The following RORA variants were observed in gnomAD, a reference collection of about 807,000 sequenced individuals.
RORA encodes the protein nuclear receptor ROR-alpha.
In RORA, 7 loss-of-function variants were observed where a neutral mutation model predicts 69.5. The ratio of observed to expected loss-of-function variants is 0.10; its 90% CI spans 0.06 to 0.19. RORA has a LOEUF of 0.19. RORA is among the 10% of genes least tolerant of loss of function. The pLI is 1.00. For synonymous variants in RORA, 261 were observed against 240.8 expected (o/e 1.08, Z -0.78); for missense variants, 457 against 663.0 (o/e 0.69, Z 3.41).
chr15:61,144,352 G>A (rs1435425185), intron 1 of RORA, among the ~76,000 whole-genome samples: 1 of 152,222 alleles, frequency 6.6e-6, no homozygotes. Flanking sequence ...TTAGTTTTTG[G>A]ATGTAGGGTA....
chr15:60,555,127 G>C lies in RORA; in HGVS notation c.197-23276C>G, dbSNP rs1249403731. On this transcript the variant is annotated intron_variant, in intron 2 of 10. Transcript: ENST00000335670. ...AAAAATGATGCCACTGCAGTTCTTA[G>C]CTTCTCTCTGTACCAAAATGGCCTT... Among the ~76,000 whole-genome samples the C allele has an allele frequency of 3.9e-5, 6 of 152,094 alleles. No homozygotes were observed. The East Asian group carries it at 1.2e-3, about 29-fold the overall frequency.
chr15:60,544,869 T>C (rs2067019044), intron 2 of RORA: 1 of 152,222 alleles, frequency 6.6e-6, no homozygotes, highest in Non-Finnish European at 1.5e-5. Flanking sequence ...CACCTGCAAC[T>C]GTCTAAGGTA....
Position 60,638,391 on chromosome 15 carries a change from T to C in RORA, c.196+40266A>G, listed in dbSNP as rs185018161. Reference sequence around the variant, plus strand: ...ATTTAACTGTATTTTCTTTTCTTTTTTTTTTTTTTTTGTCAAATGGTATAA... The same window carrying C: ...ATTTAACTGTATTTTCTTTTCTTTTCTTTTTTTTTTTGTCAAATGGTATAA... On this transcript the variant is annotated intron_variant, in intron 2 of 10. Coordinates refer to ENST00000335670, the MANE Select transcript of RORA (RefSeq NM_134261.3). 6.1e-3 allele frequency among the ~76,000 whole-genome samples: 923 copies of C among 150,682 alleles called. 10 individuals are homozygous for C. The highest frequency in any genetic ancestry group is 8.7e-3 in the Non-Finnish European group (590 of 67,714).
At chr15:60,639,156 C>T (rs113431499) in intron 2 of RORA, among the ~76,000 whole-genome samples, 1 of 151,900 alleles carries the variant, frequency 6.6e-6, no homozygotes, top group Admixed American at 6.6e-5. Flanking sequence ...TCACCACCCC[C>T]CTCCTCCCCG....
chr15:60,756,538 C>A (rs1417697091), intron 1 of RORA, among the ~76,000 whole-genome samples: 1 of 152,130 alleles, frequency 6.6e-6, no homozygotes, highest in Non-Finnish European at 1.5e-5. Context: ...ATTAAGATCT[C>A]TCCGTTAAGT....
intron 1 of RORA, among the ~76,000 whole-genome samples, chr15:61,172,751 C>T (rs1215301935): frequency 2.6e-5 from 4 of 152,126 alleles, no homozygotes; most frequent in Admixed American, 1.3e-4. Context: ...TACTATTTTC[C>T]GTTAGAATCA....
At chr15:60,881,109 T>C (rs1379004868) in intron 1 of RORA, among the ~76,000 whole-genome samples, 2 of 152,366 alleles carry the variant, frequency 1.3e-5, no homozygotes, top group South Asian at 2.1e-4. Context: ...CACTGAGTCT[T>C]ATGACTCCAA....
chr15:61,013,868 C>A (rs890614346), intron 1 of RORA, among the ~76,000 whole-genome samples: 1 of 138,666 alleles, frequency 7.2e-6, no homozygotes, highest in Non-Finnish European at 1.5e-5. Context: ...ACTGCAAGCT[C>A]TGCCTCCCGG....
At chr15:60,898,610 G>C (rs1263290910) in intron 1 of RORA, among the ~76,000 whole-genome samples, 1 of 151,996 alleles carries the variant, frequency 6.6e-6, no homozygotes, top group African/African-American at 2.4e-5. Context: ...GAGGCGGGAA[G>C]ATCACTTGAG....
At chr15:60,959,343 C>T (rs1298078317) in intron 1 of RORA, among the ~76,000 whole-genome samples, 4 of 152,136 alleles carry the variant, frequency 2.6e-5, no homozygotes, top group Non-Finnish European at 5.9e-5. Context: ...GCATCTTAGC[C>T]TGACTAGTCT....
At chr15:60,918,063 C>T (rs1891933253) in intron 1 of RORA, among the ~76,000 whole-genome samples, 1 of 152,220 alleles carries the variant, frequency 6.6e-6, no homozygotes, top group African/African-American at 2.4e-5. Context: ...CTTTCGACAA[C>T]CCCAGGAGGT....
At chr15:60,618,842 T>C (rs868794755) in intron 2 of RORA, among the ~76,000 whole-genome samples, 3 of 152,216 alleles carry the variant, frequency 2.0e-5, no homozygotes, top group South Asian at 4.1e-4. Flanking sequence ...ATCTTGCTAA[T>C]CTGCTGGGTT....
chr15:61,154,346 CTGGTAGACCAAGCAGT>C (rs1246973122), intron 1 of RORA, among the ~76,000 whole-genome samples: 12 of 152,174 alleles, frequency 7.9e-5, no homozygotes, highest in African/African-American at 2.9e-4. Flanking sequence ...CAGCGAACTG[CTGGTAGACCAAGCAGT>C]TCACACTAAC....
chr15:60,814,983 T>C (rs963883691), intron 1 of RORA, among the ~76,000 whole-genome samples: 5 of 152,166 alleles, frequency 3.3e-5, no homozygotes, highest in Admixed American at 2.0e-4. Context: ...TCTGAATCCA[T>C]GTTCAAAAGT....
intron 1 of RORA, among the ~76,000 whole-genome samples, chr15:60,876,838 T>C (rs543580765): frequency 5.3e-5 from 8 of 152,344 alleles, no homozygotes; most frequent in African/African-American, 1.4e-4. Flanking sequence ...CAATTCAAGA[T>C]GCTAAGTGCT....
chr15:60,592,926 T>C (rs753695033), intron 2 of RORA: 7 of 455,792 alleles, frequency 1.5e-5, no homozygotes, highest in African/African-American at 8.0e-5. Flanking sequence ...CCCGCTGGCT[T>C]GCCGGAGCAC....
chr15:61,199,475 C>G (rs932467959), intron 1 of RORA, among the ~76,000 whole-genome samples: 1 of 152,134 alleles, frequency 6.6e-6, no homozygotes, highest in Non-Finnish European at 1.5e-5. Flanking sequence ...TCGGCCCAAG[C>G]AGGGAAAGAA....
chr15:61,211,107 T>C (rs1228650472), intron 1 of RORA, among the ~76,000 whole-genome samples: 1 of 152,108 alleles, frequency 6.6e-6, no homozygotes, highest in Non-Finnish European at 1.5e-5. Flanking sequence ...AGGGCTCAAT[T>C]ATAAACAGCC....
At chr15:61,203,924 G>C (rs1567036199) in intron 1 of RORA, among the ~76,000 whole-genome samples, 2 of 152,344 alleles carry the variant, frequency 1.3e-5, no homozygotes, top group South Asian at 2.1e-4. Flanking sequence ...TGGAGAATGA[G>C]TTTTGTTCAA....
Sources: allele counts gnomAD v4.1 joint callset (sites outside exome capture counted in the v4.1 genomes callset), GRCh38; gene constraint gnomAD v4.1.1; transcripts MANE v1.5; gene names NCBI Gene and HGNC (gene_info 2026-07-23, HGNC 2026-07-21).